ORC3: variants seen among roughly 807,000 people sequenced by gnomAD.
The protein encoded by ORC3 is origin recognition complex subunit 3, also known as homolog of latheo, Drosophila.
ORC3 carries 78 observed loss-of-function variants against 100.7 expected under a neutral mutation model. The ratio of observed to expected loss-of-function variants is 0.77; its 90% CI spans 0.65 to 0.94. The LOEUF (loss-of-function observed/expected upper bound fraction) is 0.94, where lower values mean the gene tolerates loss of function less well. ORC3 is among the 40% of genes least tolerant of loss of function. The pLI, the probability that ORC3 is intolerant of heterozygous loss-of-function variation, is 0.00. For synonymous variants in ORC3, 295 were observed against 289.3 expected, an observed-to-expected ratio of 1.02 and a Z score of -0.20; for missense variants, 789 against 823.9, an observed-to-expected ratio of 0.96 and a Z score of 0.52.
At chr6:87,661,286 T>A (rs1770157112) in intron 16 of ORC3, among the ~76,000 whole-genome samples, 1 of 152,082 alleles carries the variant, frequency 6.6e-6, no homozygotes, top group Non-Finnish European at 1.5e-5. Context: ...AAGCTACAGC[T>A]AAGTTAACTT....
the ORC3 span, chr6:87,675,527 T>C: frequency 6.3e-7 from 1 of 1,581,608 alleles, no homozygotes; most frequent in Non-Finnish European, 8.7e-7. Context: ...CATTGCTGCA[T>C]GTCATAATTG....
At chr6:87,675,415 GTAC>G in the ORC3 span, 1 of 715,678 alleles carries the variant, frequency 1.4e-6, no homozygotes, top group East Asian at 2.7e-5. Context: ...CATCCAGGTG[GTAC>G]TGACATCAGG....
At chr6:87,631,719 T>A (rs551994814) in intron 11 of ORC3, among the ~76,000 whole-genome samples, 1 of 152,178 alleles carries the variant, frequency 6.6e-6, no homozygotes, top group Non-Finnish European at 1.5e-5. Flanking sequence ...TCTTGAACTC[T>A]GACCTCAGGT....
rs192203795 is a variant in ORC3 at position 87,653,043 on chromosome 6, A to G, written c.1383-73A>G. The G allele has an allele frequency of 1.6e-5, 18 of 1,156,526 alleles. No individual in the cohort carries two copies. In the African/African-American group the frequency reaches 1.7e-4, roughly 11 times the overall value. The allele number at this position is 1,156,526 out of a possible 1,614,324, so 71.6% of individuals were successfully genotyped here. On this transcript the variant is annotated intron_variant, in intron 13 of 19. Coordinates refer to ENST00000392844, the MANE Select transcript of ORC3 (RefSeq NM_012381.4). Reference sequence around the variant, plus strand: ...TTCTGAGCGGAAACATTTAATATGTATATTAAATAAAATGTTTTTTAAGTG... The same window carrying G: ...TTCTGAGCGGAAACATTTAATATGTGTATTAAATAAAATGTTTTTTAAGTG...
chr6:87,630,956 G>A (rs551276448), intron 11 of ORC3, among the ~76,000 whole-genome samples: 1 of 151,872 alleles, frequency 6.6e-6, no homozygotes, highest in East Asian at 1.9e-4. Context: ...CTGCAGCCTT[G>A]ACTTTCTGGG....
In ORC3 at chr6:87,648,668, T is replaced by TATTGATACAG. The variant is rs55767978; in HGVS notation, c.1383-4448_1383-4447insATTGATACAG. On this transcript the variant is annotated intron_variant, in intron 13 of 19. Transcript: ENST00000392844. ...TCTAACATGGGAATAATAATAGTAT[T>TATTGATACAG]TACATTGTATTGTATCAAATGACAC... 8.5e-4 allele frequency among the ~76,000 whole-genome samples: 129 copies of TATTGATACAG among 152,306 alleles called. 2 individuals are homozygous for TATTGATACAG. Among genetic ancestry groups the TATTGATACAG allele is most frequent in the African/African-American group, 3.1e-3 (127 of 41,548 alleles).
intron 13 of ORC3, among the ~76,000 whole-genome samples, chr6:87,644,459 C>G (rs1282483377): frequency 6.6e-6 from 1 of 151,970 alleles, no homozygotes; most frequent in African/African-American, 2.4e-5. Flanking sequence ...ATAATCCCAG[C>G]ACTTTGGGAG....
At chr6:87,657,475 A>C (rs1470596053) in intron 15 of ORC3, among the ~76,000 whole-genome samples, 1 of 152,234 alleles carries the variant, frequency 6.6e-6, no homozygotes, top group African/African-American at 2.4e-5. Flanking sequence ...TGTCGAAATG[A>C]AGAACCTTCT....
chr6:87,607,618 G>A (rs1247799830), intron 5 of ORC3, 55 bp from the exon 6 acceptor site: 2 of 1,423,136 alleles, frequency 1.4e-6, no homozygotes, highest in Non-Finnish European at 9.5e-7. Context: ...CAAGAGCTTT[G>A]GTTTTATTTT....
chr6:87,596,450 T>TG (rs201101558), intron 2 of ORC3, among the ~76,000 whole-genome samples: 3,008 of 149,122 alleles, frequency 0.02, 30 homozygotes, highest in Non-Finnish European at 0.024. Flanking sequence ...TTTTTGTTGT[T>TG]TTTTTTTTTT....
At chr6:87,665,651 G>T in intron 18 of ORC3, 103 bp from the exon 19 acceptor site, 3 of 647,056 alleles carry the variant, frequency 4.6e-6, no homozygotes, top group East Asian at 2.8e-5. Flanking sequence ...TTGATATAAT[G>T]AAGAATATGT....
chr6:87,640,699 G>T (rs1294619089), intron 13 of ORC3, among the ~76,000 whole-genome samples: 1 of 152,154 alleles, frequency 6.6e-6, no homozygotes, highest in Non-Finnish European at 1.5e-5. Context: ...CCCCTCTATT[G>T]GAGAAAATTT....
chr6:87,657,385 A>ATTC (rs1769799145), intron 15 of ORC3, among the ~76,000 whole-genome samples: 1 of 152,238 alleles, frequency 6.6e-6, no homozygotes, highest in East Asian at 1.9e-4. Context: ...TAAAATGCAT[A>ATTC]TTCAAGTATA....
At chr6:87,633,693 A>G (rs984941010) in intron 11 of ORC3, among the ~76,000 whole-genome samples, 3 of 152,182 alleles carry the variant, frequency 2.0e-5, no homozygotes, top group African/African-American at 7.2e-5. Context: ...ATATTACTGA[A>G]ATAAAGACAC....
At chr6:87,601,693 T>C (rs1208305186) in intron 2 of ORC3, 91 bp from the exon 3 acceptor site, 2 of 748,572 alleles carry the variant, frequency 2.7e-6, no homozygotes, top group Non-Finnish European at 4.5e-6. Context: ...AAATTTCACT[T>C]CTGTCACTTA....
At chr6:87,593,615 C>T (rs1168952775) in intron 1 of ORC3, among the ~76,000 whole-genome samples, 1 of 152,232 alleles carries the variant, frequency 6.6e-6, no homozygotes, top group Non-Finnish European at 1.5e-5. Context: ...CTATTTACTA[C>T]TAAGGTTATA....
At chr6:87,659,221 G>A (rs1208289360) in intron 16 of ORC3, among the ~76,000 whole-genome samples, 1 of 150,528 alleles carries the variant, frequency 6.6e-6, no homozygotes, top group African/African-American at 2.4e-5. Flanking sequence ...GTGCCAACAG[G>A]CCTGGCTAAT....
In ORC3 at chr6:87,594,342, T is replaced by A. The variant is rs550912282; in HGVS notation, c.25-11T>A. 6.4e-7 allele frequency: 1 copy of A among 1,570,506 alleles called. No homozygotes were observed. Among genetic ancestry groups the A allele is most frequent in the African/African-American group, 1.3e-5 (1 of 74,162 alleles). On this transcript the variant is annotated splice_polypyrimidine_tract_variant and intron_variant, in intron 1 of 19. Coordinates refer to ENST00000392844, the MANE Select transcript of ORC3 (RefSeq NM_012381.4). ...ACTTTGACTTTATGCTTTTCGTCTT[T>A]CTTTTTATAGGGTTGCTTTGTTTTT...
intron 5 of ORC3, 65 bp downstream of exon 5, chr6:87,606,086 C>A: frequency 1.1e-6 from 1 of 902,884 alleles, no homozygotes; most frequent in South Asian, 1.4e-5. Context: ...CCTTTTCTCT[C>A]TTTTTCAGGC....
Sources: gnomAD v4.1 joint callset for allele counts (sites outside exome capture counted in the v4.1 genomes callset) on GRCh38, gnomAD v4.1.1 for gene constraint, MANE v1.5 for transcripts, NCBI Gene and HGNC (gene_info 2026-07-23, HGNC 2026-07-21) for gene names.